The following ERC2 variants were observed in gnomAD, a reference collection of about 807,000 sequenced individuals.
ERC2 encodes ERC protein 2.
Under a neutral mutation model 114.8 loss-of-function variants are expected in ERC2, and 42 were observed. The observed-to-expected ratio is 0.37, with a 90% CI of 0.29 to 0.47. ERC2 has a LOEUF of 0.47. ERC2 is among the 20% of genes least tolerant of loss of function. The pLI is 0.99. For synonymous variants in ERC2, 454 were observed against 425.5 expected (o/e 1.07, Z -0.82); for missense variants, 939 against 1,150.7 (o/e 0.82, Z 2.66).
At position 55,550,833 on chromosome 3, in the gene ERC2, G is replaced by A. The variant is rs184270003; in HGVS notation, c.*40-39557C>T. Among the ~76,000 whole-genome samples, 1,122 of 152,068 alleles carry A rather than the reference G, an allele frequency of 7.4e-3. 12 individuals carry two copies. The highest frequency in any genetic ancestry group is 0.022 in the African/African-American group (896 of 41,484). On this transcript the variant is annotated intron_variant, in intron 17 of 17. Transcript: ENST00000288221. ...AGATCGAGACCATCCTGGCTAACAC[G>A]GTGAAACCCCATCTCTACTAAAAAT...
At chr3:56,443,624 C>T (rs756752326) in intron 1 of ERC2, among the ~76,000 whole-genome samples, 2 of 151,664 alleles carry the variant, frequency 1.3e-5, no homozygotes, top group African/African-American at 2.4e-5. Flanking sequence ...TTTCATTTCC[C>T]GATATATTTT....
At chr3:56,286,242 C>T (rs2054696644) in intron 3 of ERC2, among the ~76,000 whole-genome samples, 1 of 151,750 alleles carries the variant, frequency 6.6e-6, no homozygotes, top group South Asian at 2.1e-4. Context: ...GGAGAAACCT[C>T]GTCTCTACCA....
At chr3:56,058,374 A>T (rs1181691180) in intron 7 of ERC2, among the ~76,000 whole-genome samples, 6 of 152,102 alleles carry the variant, frequency 3.9e-5, no homozygotes, top group Non-Finnish European at 8.8e-5. Flanking sequence ...TCACCACACC[A>T]CACTCCAGGT....
At chr3:55,660,878 C>T (rs1164353834) in intron 17 of ERC2, among the ~76,000 whole-genome samples, 1 of 152,182 alleles carries the variant, frequency 6.6e-6, no homozygotes, top group African/African-American at 2.4e-5. Flanking sequence ...AGCATAAATC[C>T]TTGTAGGGCT....
chr3:55,706,414 T>C (rs1023282108), intron 15 of ERC2, among the ~76,000 whole-genome samples: 4 of 152,130 alleles, frequency 2.6e-5, no homozygotes, highest in Non-Finnish European at 4.4e-5. Flanking sequence ...GTTTGTTTTT[T>C]TGAGACAGAG....
At chr3:55,736,688 T>A (rs1223858634) in intron 14 of ERC2, among the ~76,000 whole-genome samples, 1 of 152,200 alleles carries the variant, frequency 6.6e-6, no homozygotes. Flanking sequence ...GTTCATTTTT[T>A]ACTTTTTACA....
intron 14 of ERC2, among the ~76,000 whole-genome samples, chr3:55,853,029 GT>G (rs2061641064): frequency 6.6e-6 from 1 of 152,166 alleles, no homozygotes; most frequent in South Asian, 2.1e-4. Context: ...CCACTGTCCA[GT>G]TTTAACAACG....
In ERC2 at chr3:55,648,812, C is replaced by T. The variant is rs535658499; in HGVS notation, c.*39+34982G>A. The stretch of plus-strand genomic sequence containing the variant: ...GGCTGGCACACACAAAGCTCTGAGC[C>T]GACCCCAGACTGAGAGATGCTGCTT... On this transcript the variant is annotated intron_variant, in intron 17 of 17. Transcript: ENST00000288221. Among the ~76,000 whole-genome samples, 13 of 152,080 alleles carry T rather than the reference C, an allele frequency of 8.5e-5. 1 individual carries two copies. The highest frequency in any genetic ancestry group is 8.3e-4 in the South Asian group (4 of 4,812).
At chr3:55,822,709 G>A (rs1404585169) in intron 14 of ERC2, among the ~76,000 whole-genome samples, 1 of 141,782 alleles carries the variant, frequency 7.1e-6, no homozygotes, top group African/African-American at 2.6e-5. Flanking sequence ...GGGACTACAG[G>A]CACCCGCCAC....
At chr3:56,033,405 G>C (rs1281009824) in intron 7 of ERC2, among the ~76,000 whole-genome samples, 3 of 152,148 alleles carry the variant, frequency 2.0e-5, no homozygotes, top group Non-Finnish European at 4.4e-5. Context: ...TTTACAGTGA[G>C]TTTTAAACTT....
At chr3:56,057,030 T>A (rs757425563) in intron 7 of ERC2, among the ~76,000 whole-genome samples, 3 of 152,156 alleles carry the variant, frequency 2.0e-5, no homozygotes, top group Non-Finnish European at 2.9e-5. Flanking sequence ...TAAGCCAAAA[T>A]TTAACCTCAG....
At chr3:56,053,640 T>C (rs2075871406) in intron 7 of ERC2, among the ~76,000 whole-genome samples, 2 of 152,212 alleles carry the variant, frequency 1.3e-5, no homozygotes, top group African/African-American at 2.4e-5. Context: ...TTAGCCACTT[T>C]AGAACCTCAG....
At chr3:55,940,627 T>A (rs1299272763) in intron 13 of ERC2, among the ~76,000 whole-genome samples, 1 of 152,176 alleles carries the variant, frequency 6.6e-6, no homozygotes, top group Non-Finnish European at 1.5e-5. Context: ...GATCTTGAGA[T>A]ATTCAAATGT....
chr3:55,607,644 G>GAA (rs56126196), intron 17 of ERC2, among the ~76,000 whole-genome samples: 2 of 127,134 alleles, frequency 1.6e-5, no homozygotes, highest in Non-Finnish European at 3.4e-5. Flanking sequence ...TAAGAAGAGA[G>GAA]AAAAAAAAAA....
At chr3:56,162,575 C>T (rs115575535) in intron 4 of ERC2, among the ~76,000 whole-genome samples, 1,770 of 152,070 alleles carry the variant, frequency 0.012, 15 homozygotes, top group Non-Finnish European at 0.021. Context: ...TCGTCTTTTC[C>T]GTGTTTCTAA....
intron 2 of ERC2, among the ~76,000 whole-genome samples, chr3:56,414,540 G>A (rs544881817): frequency 6.6e-6 from 1 of 151,920 alleles, no homozygotes; most frequent in African/African-American, 2.4e-5. Flanking sequence ...GGCTAACATG[G>A]TGAATTATTT....
chr3:55,537,071 C>G (rs1328376724), intron 17 of ERC2, among the ~76,000 whole-genome samples: 3 of 152,200 alleles, frequency 2.0e-5, no homozygotes, highest in Non-Finnish European at 4.4e-5. Context: ...CAAGTCACAG[C>G]CTTTAATTGA....
chr3:56,223,493 C>T (rs913381124), intron 3 of ERC2, among the ~76,000 whole-genome samples: 10 of 134,126 alleles, frequency 7.5e-5, no homozygotes, highest in Non-Finnish European at 1.4e-4. Context: ...GGACAACAAA[C>T]TCAAAGGCTA....
intron 17 of ERC2, among the ~76,000 whole-genome samples, chr3:55,618,107 T>C (rs2059192822): frequency 6.6e-6 from 1 of 152,144 alleles, no homozygotes; most frequent in South Asian, 2.1e-4. Flanking sequence ...AAAGATATTT[T>C]TCATCTCTCC....
Sources: allele counts gnomAD v4.1 joint callset (sites outside exome capture counted in the v4.1 genomes callset), GRCh38; gene constraint gnomAD v4.1.1; transcripts MANE v1.5; gene names NCBI Gene and HGNC (gene_info 2026-07-23, HGNC 2026-07-21).